MACROD2: variants seen among roughly 807,000 people sequenced by gnomAD.
MACROD2 encodes mono-ADP ribosylhydrolase 2.
A neutral mutation model predicts 70.4 loss-of-function variants in MACROD2; 36 were observed. That is an observed-to-expected ratio of 0.51 (90% CI 0.39 to 0.68). The LOEUF is 0.68. Among genes scored for constraint, MACROD2 ranks in the 30% least tolerant of loss-of-function variants. The probability of loss-of-function intolerance (pLI) is 0.00; values close to 1 mark genes in which losing one functional copy is unlikely to be tolerated. For synonymous variants in MACROD2, 172 were observed against 178.8 expected, an observed-to-expected ratio of 0.96 and a Z score of 0.30; for missense variants, 496 against 538.4, an observed-to-expected ratio of 0.92 and a Z score of 0.78.
At chr20:14,319,840 G>A (rs760325298) in intron 3 of MACROD2, among the ~76,000 whole-genome samples, 14 of 152,134 alleles carry the variant, frequency 9.2e-5, no homozygotes, top group Non-Finnish European at 1.8e-4. Context: ...CAAAGGGTAA[G>A]TTCTCCTTTG....
chr20:15,849,214 G>T (rs1308993346), intron 8 of MACROD2, among the ~76,000 whole-genome samples: 2 of 152,208 alleles, frequency 1.3e-5, no homozygotes, highest in Admixed American at 6.5e-5. Flanking sequence ...TAGAGGACAT[G>T]AACCTATGGA....
intron 5 of MACROD2, among the ~76,000 whole-genome samples, chr20:14,709,183 C>T (rs993429908): frequency 1.2e-4 from 19 of 152,122 alleles, no homozygotes; most frequent in African/African-American, 4.1e-4. Context: ...TTTCTTTATA[C>T]TTATACATTT....
At chr20:14,071,030 A>C in intron 2 of MACROD2, among the ~76,000 whole-genome samples, 1 of 152,160 alleles carries the variant, frequency 6.6e-6, no homozygotes, top group Non-Finnish European at 1.5e-5. Context: ...TATATTGCTC[A>C]GTACCTGGTG....
chr20:15,309,184 A>G (rs1235703977), intron 6 of MACROD2, among the ~76,000 whole-genome samples: 1 of 152,148 alleles, frequency 6.6e-6, no homozygotes, highest in Admixed American at 6.5e-5. Context: ...ATACAAACTC[A>G]TGTGTTCAAC....
chr20:15,593,397 C>A (rs543894683), intron 8 of MACROD2, among the ~76,000 whole-genome samples: 1 of 152,142 alleles, frequency 6.6e-6, no homozygotes, highest in African/African-American at 2.4e-5. Flanking sequence ...TTGCAGAATT[C>A]GATTTGTATC....
intron 5 of MACROD2, among the ~76,000 whole-genome samples, chr20:15,113,165 CTA>C (rs1383450476): frequency 6.6e-6 from 1 of 152,068 alleles, no homozygotes; most frequent in African/African-American, 2.4e-5. Flanking sequence ...TATAATAACT[CTA>C]TTTTTAACTT....
chr20:15,535,139 C>T (rs1420259606), intron 8 of MACROD2, among the ~76,000 whole-genome samples: 1 of 152,010 alleles, frequency 6.6e-6, no homozygotes. Flanking sequence ...CTGTGCTCAG[C>T]TAATTTTTTA....
intron 3 of MACROD2, among the ~76,000 whole-genome samples, chr20:14,158,910 A>T (rs1005689180): frequency 1.3e-5 from 2 of 152,050 alleles, no homozygotes; most frequent in African/African-American, 4.8e-5. Flanking sequence ...TTGGTTCTAT[A>T]CAAATTTTAG....
chr20:15,195,072 C>G (rs1163858129), intron 5 of MACROD2, among the ~76,000 whole-genome samples: 1 of 152,076 alleles, frequency 6.6e-6, no homozygotes, highest in Non-Finnish European at 1.5e-5. Context: ...ACATCTTATA[C>G]AAAAATTAAC....
At chr20:15,508,920 A>G (rs889141192) in intron 8 of MACROD2, among the ~76,000 whole-genome samples, 1 of 152,248 alleles carries the variant, frequency 6.6e-6, no homozygotes, top group Admixed American at 6.5e-5. Flanking sequence ...CCAAAACTGA[A>G]GCAAAAAGCA....
chr20:15,851,715 A>G (rs925617481), intron 8 of MACROD2, among the ~76,000 whole-genome samples: 2 of 152,068 alleles, frequency 1.3e-5, no homozygotes, highest in Non-Finnish European at 2.9e-5. Context: ...AAATTGAGGG[A>G]AGGGGGTCTG....
chr20:14,504,182 C>T (rs551848462), intron 4 of MACROD2, among the ~76,000 whole-genome samples: 79 of 152,320 alleles, frequency 5.2e-4, no homozygotes, highest in Non-Finnish European at 9.7e-4. Context: ...AGGCACCTAC[C>T]AACTAGCTGT....
At chr20:16,025,145 C>G (rs944028994) in intron 15 of MACROD2, among the ~76,000 whole-genome samples, 1 of 152,082 alleles carries the variant, frequency 6.6e-6, no homozygotes, top group Non-Finnish European at 1.5e-5. Flanking sequence ...CTATTTTTTT[C>G]TATGATAGGG....
intron 3 of MACROD2, among the ~76,000 whole-genome samples, chr20:14,346,028 A>C (rs1195260375): frequency 1.4e-5 from 2 of 141,576 alleles, no homozygotes; most frequent in Non-Finnish European, 3.0e-5. Context: ...TGGGAGGCAG[A>C]GCTTGCAGTG....
At chr20:15,534,420 C>T (rs6079874) in intron 8 of MACROD2, among the ~76,000 whole-genome samples, 5,357 of 152,248 alleles carry the variant, frequency 0.035, 153 homozygotes, top group East Asian at 0.15. Flanking sequence ...TCCACATTGA[C>T]CCAGTTCCAT....
At chr20:15,924,872 A>G (rs1246038034) in intron 10 of MACROD2, among the ~76,000 whole-genome samples, 2 of 152,240 alleles carry the variant, frequency 1.3e-5, no homozygotes, top group South Asian at 2.1e-4. Context: ...TGTTTTAAAC[A>G]AATGTGTAGG....
intron 12 of MACROD2, among the ~76,000 whole-genome samples, chr20:15,944,113 C>T (rs937983634): frequency 2.0e-5 from 3 of 152,026 alleles, no homozygotes; most frequent in African/African-American, 7.2e-5. Flanking sequence ...CTTCCTATTA[C>T]AAATAATAGA....
chr20:14,508,259 C>T (rs1293845078), intron 4 of MACROD2, among the ~76,000 whole-genome samples: 19 of 152,200 alleles, frequency 1.2e-4, no homozygotes, highest in Admixed American at 1.2e-3. Context: ...AGTCAGTCTG[C>T]AAAGATGGGA....
intron 5 of MACROD2, among the ~76,000 whole-genome samples, chr20:15,165,628 C>T (rs1170164917): frequency 6.6e-6 from 1 of 152,176 alleles, no homozygotes; most frequent in African/African-American, 2.4e-5. Context: ...AACAAAGTGA[C>T]ACTTATTATG....
Sources: allele counts gnomAD v4.1 joint callset (sites outside exome capture counted in the v4.1 genomes callset), GRCh38; gene constraint gnomAD v4.1.1; transcripts MANE v1.5; gene names NCBI Gene and HGNC (gene_info 2026-07-23, HGNC 2026-07-21).